The following MYO10 variants were observed in gnomAD, a reference collection of about 807,000 sequenced individuals.
The protein encoded by MYO10 is myosin X.
Under a neutral mutation model 257.3 loss-of-function variants are expected in MYO10, and 133 were observed. The ratio of observed to expected loss-of-function variants is 0.52; its 90% CI spans 0.45 to 0.60. The LOEUF (loss-of-function observed/expected upper bound fraction) is 0.60. MYO10 is among the 20% of genes least tolerant of loss of function. The pLI is 0.00. For synonymous variants in MYO10, 1,104 were observed against 1,028.6 expected, an observed-to-expected ratio of 1.07 and a Z score of -1.40; for missense variants, 2,399 against 2,635.7, an observed-to-expected ratio of 0.91 and a Z score of 1.97.
In MYO10 at chr5:16,786,041, C is replaced by G. The variant is rs559515565; in HGVS notation, c.468-2572G>C. ...CTGGGCTCCACCTTCCGCTTGCCAC[C>G]TAAGTGTCCTCAGAGATGGTACATC... On this transcript the variant is annotated intron_variant, in intron 4 of 40. Transcript: ENST00000513610. Among the ~76,000 whole-genome samples, 8 of 151,962 alleles carry G rather than the reference C, an allele frequency of 5.3e-5. No individual in the cohort carries two copies. The East Asian group carries it at 1.6e-3, about 30-fold the overall frequency.
At chr5:16,911,735 C>CCAA (rs1277404582) in intron 1 of MYO10, among the ~76,000 whole-genome samples, 4 of 152,000 alleles carry the variant, frequency 2.6e-5, no homozygotes, top group Admixed American at 6.6e-5. Flanking sequence ...CTGTCTTAGA[C>CCAA]CAACAACAAC....
At chr5:16,674,777 T>G (rs1736645899) in intron 35 of MYO10, 76 bp downstream of exon 35, 1 of 1,525,926 alleles carries the variant, frequency 6.6e-7, no homozygotes. Flanking sequence ...AAAGCCTCTT[T>G]ATCTGAACGA....
chr5:16,769,237 GT>G, intron 9 of MYO10, 34 bp from the exon 10 acceptor site: 4 of 1,548,824 alleles, frequency 2.6e-6, no homozygotes, highest in East Asian at 2.4e-5. Context: ...ATTTTATGTC[GT>G]TTTTTCACAC....
intron 23 of MYO10, 35 bp from the exon 24 acceptor site, chr5:16,702,623 C>T: frequency 6.5e-7 from 1 of 1,550,342 alleles, no homozygotes; most frequent in Non-Finnish European, 8.7e-7. Context: ...AAATCAACAA[C>T]AATAACCCTG....
chr5:16,747,689 C>G (rs571617612), intron 19 of MYO10, among the ~76,000 whole-genome samples: 1 of 152,050 alleles, frequency 6.6e-6, no homozygotes, highest in Non-Finnish European at 1.5e-5. Context: ...GAGGCCGAGG[C>G]GGGTGGATCA....
intron 21 of MYO10, among the ~76,000 whole-genome samples, chr5:16,710,312 A>C (rs769359237): frequency 6.6e-6 from 1 of 152,188 alleles, no homozygotes; most frequent in Non-Finnish European, 1.5e-5. Context: ...GAAGTCATAC[A>C]ACAAATTTTG....
intron 36 of MYO10, 115 bp from the exon 37 acceptor site, chr5:16,672,940 C>T (rs1736541101): frequency 5.7e-6 from 7 of 1,237,122 alleles, no homozygotes; most frequent in Admixed American, 2.8e-5. Context: ...GCGTCTCCAG[C>T]CTCCTAAAAA....
intron 19 of MYO10, among the ~76,000 whole-genome samples, chr5:16,735,808 A>G (rs2126624136): frequency 6.6e-6 from 1 of 152,280 alleles, no homozygotes; most frequent in Non-Finnish European, 1.5e-5. Context: ...TCTTGGCATC[A>G]TGAACTATGA....
At chr5:16,934,197 T>A (rs1033957212) in intron 1 of MYO10, among the ~76,000 whole-genome samples, 1 of 152,258 alleles carries the variant, frequency 6.6e-6, no homozygotes, top group African/African-American at 2.4e-5. Flanking sequence ...CAGGACGCTG[T>A]AGCGCGTTAT....
chr5:16,922,665 T>G (rs1043996307), intron 1 of MYO10, among the ~76,000 whole-genome samples: 8 of 152,188 alleles, frequency 5.3e-5, no homozygotes, highest in Non-Finnish European at 7.4e-5. Flanking sequence ...AAAGTGTTCA[T>G]GTATCTACTC....
chr5:16,768,364 G>A (rs1740940145), intron 10 of MYO10, among the ~76,000 whole-genome samples: 1 of 152,030 alleles, frequency 6.6e-6, no homozygotes, highest in Non-Finnish European at 1.5e-5. Flanking sequence ...AGCAGGGGAG[G>A]GCTATGAAGC....
rs201570251 is a variant in MYO10 at position 16,672,473 on chromosome 5, A to AACC, written c.5309+213_5309+215dup. Among the ~76,000 whole-genome samples the AACC allele has an allele frequency of 7.5e-3, 1,144 of 152,288 alleles. 6 individuals are homozygous for AACC. The highest frequency in any genetic ancestry group is 0.011 in the South Asian group (55 of 4,828). On this transcript the variant is annotated intron_variant, in intron 37 of 40. Coordinates refer to ENST00000513610, the MANE Select transcript of MYO10 (RefSeq NM_012334.3). ...AACTGAGAAAAGGAATGGGGTAAAA[A>AACC]ACCACTGACAAGTTACATCACGTAA...
intron 3 of MYO10, among the ~76,000 whole-genome samples, chr5:16,799,691 T>C (rs1742065161): frequency 6.6e-6 from 1 of 152,046 alleles, no homozygotes. Flanking sequence ...CGGGATTTCA[T>C]ATATTTTGGC....
Position 16,749,355 on chromosome 5 carries a change from C to T in MYO10, c.1929+5473G>A, listed in dbSNP as rs376841496. Among the ~76,000 whole-genome samples the T allele has an allele frequency of 6.8e-4, 103 of 152,068 alleles. 3 individuals carry two copies. In the South Asian group the frequency reaches 0.021, roughly 31 times the overall value. On this transcript the variant is annotated intron_variant, in intron 19 of 40. Coordinates refer to ENST00000513610, the MANE Select transcript of MYO10 (RefSeq NM_012334.3). ...TACAAAAATCAGCTGGGCGTGGTTGCACATGCCTGTAATCTTCGCTACTTG... is the reference window on the plus strand; with the variant it reads ...TACAAAAATCAGCTGGGCGTGGTTGTACATGCCTGTAATCTTCGCTACTTG...
intron 2 of MYO10, among the ~76,000 whole-genome samples, chr5:16,828,039 C>T (rs1365361515): frequency 2.0e-5 from 3 of 152,118 alleles, no homozygotes; most frequent in African/African-American, 7.2e-5. Context: ...ATTCCAGCTC[C>T]GCCACTTCCT....
In MYO10 at chr5:16,670,358, CTG is replaced by C. The variant is rs556395079; in HGVS notation, c.5883+166_5883+167del. ...TGTTTACTACACAGGAGAAGAGAAACTGTGAGGAGAAGGGAGGCGTTAATGGT... is the reference window on the plus strand; with the variant it reads ...TGTTTACTACACAGGAGAAGAGAAACTGAGGAGAAGGGAGGCGTTAATGGT... On this transcript the variant is annotated intron_variant, in intron 39 of 40. Transcript: ENST00000513610. 6.5e-3 allele frequency among the ~76,000 whole-genome samples: 985 copies of C among 152,180 alleles called. 47 individuals carry two copies. The highest frequency in any genetic ancestry group is 0.053 in the Admixed American group (812 of 15,228).
At chr5:16,694,062 A>T (rs1050327287) in intron 27 of MYO10, among the ~76,000 whole-genome samples, 1 of 152,246 alleles carries the variant, frequency 6.6e-6, no homozygotes, top group East Asian at 1.9e-4. Context: ...AGACTCAGCC[A>T]CTTGTTCCAA....
At chr5:16,671,258 G>A (rs959535190) in intron 38 of MYO10, among the ~76,000 whole-genome samples, 164 bp downstream of exon 38, 2 of 152,172 alleles carry the variant, frequency 1.3e-5, no homozygotes, top group African/African-American at 4.8e-5. Context: ...ATGTGTAGCA[G>A]GTTTCATTCT....
chr5:16,849,944 A>G (rs1354882155), intron 2 of MYO10, among the ~76,000 whole-genome samples: 1 of 152,240 alleles, frequency 6.6e-6, no homozygotes, highest in Non-Finnish European at 1.5e-5. Flanking sequence ...CAGCATAATG[A>G]AAGCACAAAA....
Sources: allele counts gnomAD v4.1 joint callset (sites outside exome capture counted in the v4.1 genomes callset), GRCh38; gene constraint gnomAD v4.1.1; transcripts MANE v1.5; gene names NCBI Gene and HGNC (gene_info 2026-07-23, HGNC 2026-07-21).